The following GRAMD1C variants were observed in gnomAD, a reference collection of about 807,000 sequenced individuals.
GRAMD1C encodes the protein GRAM domain containing 1C.
A neutral mutation model predicts 97.8 loss-of-function variants in GRAMD1C; 89 were observed. That is an observed-to-expected ratio of 0.91 (90% confidence interval 0.77 to 1.09). The LOEUF is 1.09. Ranked by LOEUF, GRAMD1C falls within the 50% of genes least tolerant of loss-of-function variation. The pLI is 0.00. For missense variants in GRAMD1C, 740 were observed against 766.4 expected (o/e 0.97, Z 0.41); for synonymous variants, 256 against 267.0 (o/e 0.96, Z 0.40).
rs7628057 is a variant in GRAMD1C, at chr3:113,850,008, G to A, written c.174+5359G>A. ...ACCTCCCTCCCGGACGGGGTGGCTGGCCGGGCGGGGGGCTGACCCCCCACC... is the reference window on the plus strand; with the variant it reads ...ACCTCCCTCCCGGACGGGGTGGCTGACCGGGCGGGGGGCTGACCCCCCACC... On this transcript the variant is annotated intron_variant, in intron 2 of 17. Transcript: ENST00000358160. 1.9e-3 allele frequency among the ~76,000 whole-genome samples: 231 copies of A among 119,082 alleles called. 1 individual carries two copies. Among genetic ancestry groups the A allele is most frequent in the African/African-American group, 8.0e-3 (210 of 26,322 alleles). The allele number at this position is 119,082 out of a possible 152,430, so 78.1% of individuals were successfully genotyped here.
At chr3:113,909,246 A>G (rs1438277815) in intron 9 of GRAMD1C, 126 bp downstream of exon 9, 1 of 430,674 alleles carries the variant, frequency 2.3e-6, no homozygotes, top group Non-Finnish European at 4.0e-6. Context: ...AAAGAAACAA[A>G]AAAAGAATGG....
intron 6 of GRAMD1C, among the ~76,000 whole-genome samples, chr3:113,891,843 T>G (rs1050130286): frequency 6.6e-6 from 1 of 151,868 alleles, no homozygotes. Context: ...GCTGTGACCG[T>G]GCCACTGCAC....
intron 2 of GRAMD1C, among the ~76,000 whole-genome samples, chr3:113,868,899 G>A (rs1934686359): frequency 6.6e-6 from 1 of 152,044 alleles, no homozygotes; most frequent in Non-Finnish European, 1.5e-5. Context: ...TCTCCTTCAA[G>A]ATCTTTCTAA....
At chr3:113,903,138 C>A (rs1308953204) in intron 7 of GRAMD1C, among the ~76,000 whole-genome samples, 1 of 135,248 alleles carries the variant, frequency 7.4e-6, no homozygotes, top group Non-Finnish European at 1.7e-5. Context: ...CTAATTTTTG[C>A]ATTTTTTTTT....
chr3:113,903,198 C>T (rs1330775339), intron 7 of GRAMD1C, among the ~76,000 whole-genome samples: 1 of 150,558 alleles, frequency 6.6e-6, no homozygotes, highest in Non-Finnish European at 1.5e-5. Context: ...TGGTCTCGAT[C>T]TCTTGACCTC....
At chr3:113,920,768 C>T (rs1348337044) in intron 10 of GRAMD1C, among the ~76,000 whole-genome samples, 1 of 152,128 alleles carries the variant, frequency 6.6e-6, no homozygotes, top group Non-Finnish European at 1.5e-5. Flanking sequence ...GTCTTGAACA[C>T]CTGACCTCAG....
intron 9 of GRAMD1C, chr3:113,913,258 C>T (rs775664480): frequency 1.4e-5 from 6 of 426,734 alleles, no homozygotes; most frequent in East Asian, 7.8e-5. Flanking sequence ...GATGTGGTGG[C>T]GCGCGCTTGT....
intron 6 of GRAMD1C, among the ~76,000 whole-genome samples, chr3:113,895,004 A>G (rs1282182296): frequency 6.6e-6 from 1 of 152,212 alleles, no homozygotes; most frequent in Non-Finnish European, 1.5e-5. Context: ...TATAAAAAGA[A>G]AGAATATATC....
chr3:113,879,689 C>CTTT (rs1187587255), intron 5 of GRAMD1C, among the ~76,000 whole-genome samples: 4 of 131,952 alleles, frequency 3.0e-5, no homozygotes, highest in Admixed American at 7.9e-5. Context: ...TGACCTCTTC[C>CTTT]TTTTTTTTTT....
intron 14 of GRAMD1C, 103 bp from the exon 15 acceptor site, chr3:113,937,983 C>T: frequency 1.8e-6 from 1 of 553,078 alleles, no homozygotes; most frequent in East Asian, 3.6e-5. Flanking sequence ...CCAGCCTGGG[C>T]AACAAGAGCG....
At chr3:113,913,913 G>A (rs1395679283) in intron 9 of GRAMD1C, among the ~76,000 whole-genome samples, 5 of 152,126 alleles carry the variant, frequency 3.3e-5, no homozygotes, top group African/African-American at 1.2e-4. Context: ...TGTGTGTGTG[G>A]GTTTAGAGGG....
intron 2 of GRAMD1C, among the ~76,000 whole-genome samples, chr3:113,848,400 C>T (rs765056954): frequency 6.6e-6 from 1 of 152,104 alleles, no homozygotes; most frequent in Non-Finnish European, 1.5e-5. Context: ...TAAGAATTAA[C>T]TCTCTATGGC....
At chr3:113,891,052 C>G (rs1935705421) in intron 6 of GRAMD1C, 2 of 301,044 alleles carry the variant, frequency 6.6e-6, no homozygotes, top group African/African-American at 2.1e-5. Context: ...GTAGTTATAC[C>G]TTTTACATCT....
At chr3:113,924,666 T>G (rs1233988094) in intron 10 of GRAMD1C, among the ~76,000 whole-genome samples, 1 of 152,218 alleles carries the variant, frequency 6.6e-6, no homozygotes, top group Non-Finnish European at 1.5e-5. Flanking sequence ...TTGCATTTGC[T>G]TAGAATTGTT....
intron 10 of GRAMD1C, among the ~76,000 whole-genome samples, chr3:113,922,712 T>C (rs1483861979): frequency 1.3e-5 from 2 of 152,210 alleles, no homozygotes; most frequent in Non-Finnish European, 2.9e-5. Context: ...GGTATTGTGA[T>C]GCCTCCAGCT....
At chr3:113,936,708 T>C in intron 14 of GRAMD1C, 1 of 267,692 alleles carries the variant, frequency 3.7e-6, no homozygotes, top group Non-Finnish European at 6.9e-6. Flanking sequence ...TTTAAAATTT[T>C]ATTTATTTTT....
chr3:113,846,360 C>T (rs553567292), intron 2 of GRAMD1C, among the ~76,000 whole-genome samples: 5 of 152,172 alleles, frequency 3.3e-5, no homozygotes, highest in Non-Finnish European at 7.3e-5. Context: ...CCCGCCTCGG[C>T]CTCCCAAAGT....
rs576890490 is a variant in GRAMD1C, at chr3:113,904,231, G to A, written c.748G>A (p.Val250Ile). ...ISFTSESISR[V>I]SETESFDGNS... The stretch of plus-strand genomic sequence containing the variant: ...TTTTACCAGTGAATCAATTAGTCGG[G>A]TTTCAGAAACAGAGTCATTCGATGG... The change falls in exon 8 of 18, where the codon GTT becomes ATT. Residue 250 changes from valine to isoleucine, a missense_variant. Physicochemically the swap from Val to Ile is conservative, Grantham distance 29. Coordinates refer to ENST00000358160, the MANE Select transcript of GRAMD1C (RefSeq NM_017577.5). 9 of 1,608,884 alleles carry A rather than the reference G, an allele frequency of 5.6e-6. No individual in the cohort carries two copies. The highest frequency in any genetic ancestry group is 1.7e-5 in the Admixed American group (1 of 60,008).
At chr3:113,907,502 A>T (rs1936412178) in intron 8 of GRAMD1C, among the ~76,000 whole-genome samples, 1 of 152,188 alleles carries the variant, frequency 6.6e-6, no homozygotes, top group South Asian at 2.1e-4. Flanking sequence ...GCAGTATAGA[A>T]GTTTAGCCCT....
Sources: gnomAD v4.1 joint callset for allele counts (sites outside exome capture counted in the v4.1 genomes callset) on GRCh38, gnomAD v4.1.1 for gene constraint, MANE v1.5 for transcripts, NCBI Gene and HGNC (gene_info 2026-07-23, HGNC 2026-07-21) for gene names.